GIGYF2: variants seen among roughly 807,000 people sequenced by gnomAD.
The protein encoded by GIGYF2 is GRB10-interacting GYF protein 2.
In GIGYF2, 25 loss-of-function variants were observed where a neutral mutation model predicts 208.1. The ratio of observed to expected loss-of-function variants is 0.12; its 90% CI spans 0.09 to 0.17. The LOEUF (loss-of-function observed/expected upper bound fraction) is 0.17, where lower values mean the gene tolerates loss of function less well. Among genes scored for constraint, GIGYF2 ranks in the 10% least tolerant of loss-of-function variants. GIGYF2 has a pLI of 1.00. For missense variants in GIGYF2, 1,302 were observed against 1,579.4 expected, an observed-to-expected ratio of 0.82 and a Z score of 2.98; for synonymous variants, 534 against 543.8, an observed-to-expected ratio of 0.98 and a Z score of 0.25.
At position 232,817,016 on chromosome 2, in the gene GIGYF2, T is replaced by A; in HGVS notation, c.2354T>A (p.Leu785His). 1 of 1,613,132 alleles carries A rather than the reference T, an allele frequency of 6.2e-7. No homozygotes were observed. Among genetic ancestry groups the A allele is most frequent in the Non-Finnish European group, 8.5e-7 (1 of 1,179,114 alleles). The change falls in exon 20 of 29, where the codon CTT becomes CAT. Residue 785 changes from leucine to histidine, a missense_variant. Around this residue, in one of 8 missense-constraint regions of GIGYF2, gnomAD observed 701 missense variants for 793.0 expected, o/e 0.88. Transcript: ENST00000373563. ...AGGAAAAGGCGAGAGGAAGAAGAAC[T>A]TGCCCGAAGGAAACAGGTATGTATC... ...EERKRREEEE[L>H]ARRKQEEALR...
At chr2:232,744,834 A>G (rs926405119) in intron 3 of GIGYF2, among the ~76,000 whole-genome samples, 8 of 152,154 alleles carry the variant, frequency 5.3e-5, no homozygotes, top group African/African-American at 1.7e-4. Context: ...CAACCGGTCA[A>G]TTGTGGTCTT....
Position 232,791,149 on chromosome 2 carries a change from AAAACAG to A in GIGYF2, c.1074_1079del (p.Lys358_Asp360delinsAsn), listed in dbSNP as rs1700058555. On this transcript the variant is annotated inframe_deletion, in exon 11 of 29. Transcript: ENST00000373563. ...TAAGACAAATAAGAAAGAAGGAGAG[AAAACAG>A]ATAGAGTAGGAGTTGGTAAGGCCTC... 6 of 1,613,934 alleles carry A rather than the reference AAAACAG, an allele frequency of 3.7e-6. No homozygotes were observed. Among genetic ancestry groups the A allele is most frequent in the Non-Finnish European group, 5.1e-6 (6 of 1,179,980 alleles).
intron 26 of GIGYF2, among the ~76,000 whole-genome samples, chr2:232,847,014 A>G (rs1016328330): frequency 1.3e-5 from 2 of 152,240 alleles, no homozygotes; most frequent in African/African-American, 2.4e-5. Context: ...TGCCTGACAC[A>G]TATCATAGGA....
intron 5 of GIGYF2, among the ~76,000 whole-genome samples, chr2:232,752,103 T>C (rs1698355770): frequency 6.6e-6 from 1 of 152,220 alleles, no homozygotes; most frequent in Admixed American, 6.5e-5. Flanking sequence ...TGAAGGCATT[T>C]AAAATGCACC....
In GIGYF2 at chr2:232,791,446, G is replaced by GGTAT. The variant is rs1210324662; in HGVS notation, c.1282+5_1282+8dup. 1 of 1,612,482 alleles carries GGTAT rather than the reference G, an allele frequency of 6.2e-7. No individual in the cohort carries two copies. Among genetic ancestry groups the GGTAT allele is most frequent in the Non-Finnish European group, 8.5e-7 (1 of 1,178,984 alleles). On this transcript the variant is annotated frameshift_variant and splice_region_variant. Transcript: ENST00000373563. LOFTEE classifies it high-confidence loss of function. ...AGCCAAAGTGCCCAGCAGAGGGGATGGTATGTATTTGTGGGAATAGACAAG... is the reference window on the plus strand; with the variant it reads ...AGCCAAAGTGCCCAGCAGAGGGGATGGTATGTATGTATTTGTGGGAATAGACAAG...
chr2:232,840,471 C>T (rs1044360212), intron 23 of GIGYF2, among the ~76,000 whole-genome samples: 18 of 152,156 alleles, frequency 1.2e-4, no homozygotes, highest in African/African-American at 4.3e-4. Context: ...CAGCTTTTGA[C>T]AGAGAGGAGA....
At chr2:232,778,151 G>T (rs1699589907) in intron 8 of GIGYF2, among the ~76,000 whole-genome samples, 1 of 151,890 alleles carries the variant, frequency 6.6e-6, no homozygotes, top group Admixed American at 6.6e-5. Flanking sequence ...GTCTAGGCTG[G>T]TCTTGAACTC....
At chr2:232,832,439 T>C (rs183043458) in intron 21 of GIGYF2, among the ~76,000 whole-genome samples, 1 of 152,292 alleles carries the variant, frequency 6.6e-6, no homozygotes, top group Non-Finnish European at 1.5e-5. Context: ...TCTTGGAAAG[T>C]TGCTTTGGTT....
intron 2 of GIGYF2, among the ~76,000 whole-genome samples, chr2:232,733,512 A>G (rs1271792648): frequency 6.6e-6 from 1 of 152,160 alleles, no homozygotes. Context: ...TTTGTAGTTT[A>G]TTATTTTTTA....
chr2:232,757,472 C>T (rs921048193), intron 6 of GIGYF2, among the ~76,000 whole-genome samples: 2 of 151,982 alleles, frequency 1.3e-5, no homozygotes, highest in African/African-American at 2.4e-5. Context: ...TCAAAAGCTC[C>T]ACAGGCAGTT....
intron 19 of GIGYF2, 58 bp from the exon 20 acceptor site, chr2:232,816,813 T>A: frequency 7.6e-7 from 1 of 1,315,860 alleles, no homozygotes; most frequent in Non-Finnish European, 1.1e-6. Flanking sequence ...GGTCAGTGCT[T>A]TCGGAGTGTT....
intron 3 of GIGYF2, among the ~76,000 whole-genome samples, chr2:232,747,100 T>G (rs1356267641): frequency 2.0e-5 from 3 of 152,184 alleles, no homozygotes; most frequent in African/African-American, 7.2e-5. Flanking sequence ...TTATTAAATA[T>G]TTTAGCTATT....
intron 2 of GIGYF2, among the ~76,000 whole-genome samples, chr2:232,727,363 A>G (rs1162375604): frequency 6.6e-6 from 1 of 152,216 alleles, no homozygotes; most frequent in African/African-American, 2.4e-5. Flanking sequence ...TCTCAGAATA[A>G]GGTATAGTGT....
chr2:232,705,893 CAG>C (rs1446136418), intron 2 of GIGYF2: 1 of 152,030 alleles, frequency 6.6e-6, no homozygotes. Context: ...TTAGTAGAGA[CAG>C]GGTTTCACCA....
At chr2:232,727,830 A>G (rs1361806797) in intron 2 of GIGYF2, among the ~76,000 whole-genome samples, 1 of 152,146 alleles carries the variant, frequency 6.6e-6, no homozygotes, top group Non-Finnish European at 1.5e-5. Context: ...CTTCAACTCT[A>G]GGTCTTTTGG....
rs1015401198 is a variant in GIGYF2, at chr2:232,806,294, A to G, written c.1640-197A>G. On this transcript the variant is annotated intron_variant, in intron 14 of 28. Transcript: ENST00000373563. The surrounding 1 kb of genome is among the most constrained non-coding windows in gnomAD (Gnocchi z 4.0). Reference sequence around the variant, plus strand: ...AAGTGCTGCTGATAATTTGGGATGTATAAACACAGACTTTATTTAAAAATT... The same window carrying G: ...AAGTGCTGCTGATAATTTGGGATGTGTAAACACAGACTTTATTTAAAAATT... 2.0e-5 allele frequency among the ~76,000 whole-genome samples: 3 copies of G among 152,374 alleles called. No homozygotes were observed. Among genetic ancestry groups the G allele is most frequent in the Admixed American group, 2.0e-4 (3 of 15,304 alleles).
In GIGYF2 at chr2:232,791,114, A is replaced by G; in HGVS notation, c.1037A>G (p.Lys346Arg). The G allele has an allele frequency of 6.2e-7, 1 of 1,614,142 alleles. No homozygotes were observed. The highest frequency in any genetic ancestry group is 1.1e-5 in the South Asian group (1 of 91,084). The stretch of plus-strand genomic sequence containing the variant: ...GAGGGTAGCCATAATGAAGAGGCCA[A>G]AGAACCCGATAAGACAAATAAGAAA... ...DSEGSHNEEA[K>R]EPDKTNKKEG... Residue 346 changes from lysine to arginine, a missense_variant, in exon 11 of 29, where the codon AAA becomes AGA. Coordinates refer to ENST00000373563, the MANE Select transcript of GIGYF2 (RefSeq NM_001103146.3).
intron 2 of GIGYF2, among the ~76,000 whole-genome samples, chr2:232,708,380 T>C (rs1399184698): frequency 6.6e-6 from 1 of 151,810 alleles, no homozygotes; most frequent in African/African-American, 2.4e-5. Context: ...TTGGGGACAG[T>C]GAACAGAATG....
intron 2 of GIGYF2, among the ~76,000 whole-genome samples, chr2:232,708,522 CAG>C (rs1031811896): frequency 3.9e-5 from 6 of 151,950 alleles, no homozygotes; most frequent in African/African-American, 1.2e-4. Context: ...GGCTTTTGAA[CAG>C]AGAGATGTGG....
Sources: gnomAD v4.1 joint callset for allele counts (sites outside exome capture counted in the v4.1 genomes callset) on GRCh38, gnomAD v4.1.1 for gene constraint, gnomAD v4.1.1 regional missense constraint, Gnocchi (gnomAD v3.1) non-coding constraint, MANE v1.5 for transcripts, NCBI Gene and HGNC (gene_info 2026-07-23, HGNC 2026-07-21) for gene names.